LRRC72: variants seen among roughly 807,000 people sequenced by gnomAD.
LRRC72 encodes the protein leucine rich repeat containing 72.
Under a neutral mutation model 35.8 loss-of-function variants are expected in LRRC72, and 41 were observed. The observed-to-expected ratio is 1.15, with a 90% CI of 0.89 to 1.49. LRRC72 has a LOEUF of 1.49. LRRC72 is among the 40% of genes most tolerant of loss of function. LRRC72 has a pLI of 0.00. For missense variants in LRRC72, 389 were observed against 330.7 expected, an observed-to-expected ratio of 1.18 and a Z score of -1.37; for synonymous variants, 118 against 119.2, an observed-to-expected ratio of 0.99 and a Z score of 0.07.
chr7:16,558,211 G>A (rs894196074), intron 4 of LRRC72, among the ~76,000 whole-genome samples: 1 of 152,094 alleles, frequency 6.6e-6, no homozygotes, highest in Admixed American at 6.5e-5. Context: ...ATAAATCTAA[G>A]TAGCATTGAC....
intron 2 of LRRC72, chr7:16,532,791 A>C: frequency 1.7e-6 from 1 of 598,202 alleles, no homozygotes; most frequent in South Asian, 1.7e-5. Flanking sequence ...TTTGAATCCC[A>C]GCTCTGTCTC....
At chr7:16,529,368 C>T (rs1429806231) in intron 1 of LRRC72, among the ~76,000 whole-genome samples, 1 of 152,184 alleles carries the variant, frequency 6.6e-6, no homozygotes, top group African/African-American at 2.4e-5. Context: ...AATCTTCCAG[C>T]GTGTCCAGGC....
rs191277679 is a variant in LRRC72 at position 16,555,640 on chromosome 7, C to T, written c.235-1720C>T. 4.3e-3 allele frequency among the ~76,000 whole-genome samples: 656 copies of T among 152,176 alleles called. 5 individuals carry two copies. The highest frequency in any genetic ancestry group is 0.015 in the African/African-American group (614 of 41,524). ...ATAAAAAATTAGCTGGCTATGGCGG[C>T]ATGTGCCTGTAGTCCCAGCTACTTG... On this transcript the variant is annotated intron_variant, in intron 3 of 8. Coordinates refer to ENST00000401542, the MANE Select transcript of LRRC72 (RefSeq NM_001195280.2).
Position 16,581,332 on chromosome 7 carries a change from T to A in LRRC72, c.707T>A (p.Leu236His). Residue 236 changes from leucine (L) to histidine (H), a missense_variant, in exon 9 of 9, where the codon CTT becomes CAT. Physicochemically the swap from Leu to His is moderately conservative, Grantham distance 99. Coordinates refer to ENST00000401542, the MANE Select transcript of LRRC72 (RefSeq NM_001195280.2). Reference sequence around the variant, plus strand: ...TTGCTTTTTTTTTGCAGAACTGTGCTTGATGACCCAGAAGATGCTGTTTTT... The same window carrying A: ...TTGCTTTTTTTTTGCAGAACTGTGCATGATGACCCAGAAGATGCTGTTTTT... The part of the protein sequence containing the change: ...AFANNVDKTV[L>H]DDPEDAVFVR... 1 of 1,507,190 alleles carries A rather than the reference T, an allele frequency of 6.6e-7. No homozygotes were observed. The highest frequency in any genetic ancestry group is 8.9e-7 in the Non-Finnish European group (1 of 1,125,462). The allele number at this position is 1,507,190 out of a possible 1,614,324, so 93.4% of individuals were successfully genotyped here.
intron 3 of LRRC72, among the ~76,000 whole-genome samples, chr7:16,549,802 C>A (rs1442895994): frequency 6.6e-6 from 1 of 151,954 alleles, no homozygotes; most frequent in African/African-American, 2.4e-5. Flanking sequence ...GTTTTAGATG[C>A]TACACAGCCA....
chr7:16,570,041 G>GAA (rs943247922), intron 7 of LRRC72, among the ~76,000 whole-genome samples: 1 of 137,060 alleles, frequency 7.3e-6, no homozygotes, highest in African/African-American at 2.7e-5. Context: ...AAAAAGAAAA[G>GAA]AAAAAAAAAA....
chr7:16,558,753 C>G (rs1782694250), intron 4 of LRRC72, 136 bp from the exon 5 acceptor site: 2 of 335,456 alleles, frequency 6.0e-6, no homozygotes, highest in East Asian at 1.0e-4. Context: ...GTTATTCCTT[C>G]TTTAACCAGC....
chr7:16,566,673 A>T (rs1782850079), intron 6 of LRRC72, among the ~76,000 whole-genome samples: 1 of 152,112 alleles, frequency 6.6e-6, no homozygotes, highest in African/African-American at 2.4e-5. Flanking sequence ...CCTGGTTTTG[A>T]CATTAACAGG....
intron 3 of LRRC72, 147 bp downstream of exon 3, chr7:16,537,843 G>C (rs1423735385): frequency 1.9e-6 from 1 of 534,490 alleles, no homozygotes; most frequent in Non-Finnish European, 3.3e-6. Flanking sequence ...TATATATCTG[G>C]TACATATATA....
chr7:16,552,170 G>A (rs1266606897), intron 3 of LRRC72, among the ~76,000 whole-genome samples: 5 of 152,158 alleles, frequency 3.3e-5, no homozygotes, highest in Non-Finnish European at 7.3e-5. Flanking sequence ...GATTTCATAA[G>A]CTAATAATAA....
intron 7 of LRRC72, among the ~76,000 whole-genome samples, chr7:16,574,674 G>A (rs1486090422): frequency 6.6e-6 from 1 of 152,062 alleles, no homozygotes; most frequent in Non-Finnish European, 1.5e-5. Context: ...GGGAGGGATA[G>A]CATTAGGAGA....
At position 16,537,608 on chromosome 7, in the gene LRRC72, A is replaced by ATTTTT; in HGVS notation, c.165-13_165-9dup. 1.5e-6 allele frequency: 2 copies of ATTTTT among 1,316,050 alleles called. No homozygotes were observed. Among genetic ancestry groups the ATTTTT allele is most frequent in the Non-Finnish European group, 1.0e-6 (1 of 973,550 alleles). 81.5% of individuals were successfully genotyped at this position (1,316,050 alleles called of 1,614,324 possible). On this transcript the variant is annotated intron_variant, in intron 2 of 8. Transcript: ENST00000401542. ...TGAACTAATTGTTGCTAATGTTCACATTTTTTTTTTCTTTCCAGGGAACTG... is the reference window on the plus strand; with the variant it reads ...TGAACTAATTGTTGCTAATGTTCACATTTTTTTTTTTTTTTCTTTCCAGGGAACTG...
intron 7 of LRRC72, among the ~76,000 whole-genome samples, chr7:16,576,187 G>T (rs1032343981): frequency 2.0e-5 from 3 of 152,104 alleles, no homozygotes; most frequent in Non-Finnish European, 4.4e-5. Context: ...CCAGAGTATG[G>T]CTTATTTTAG....
intron 7 of LRRC72, among the ~76,000 whole-genome samples, chr7:16,571,447 G>A (rs1278219809): frequency 6.6e-6 from 1 of 152,200 alleles, no homozygotes; most frequent in East Asian, 1.9e-4. Context: ...CTCTGAGCGA[G>A]ATCCACACAG....
intron 3 of LRRC72, among the ~76,000 whole-genome samples, chr7:16,540,470 C>T (rs954217407): frequency 1.3e-5 from 2 of 152,130 alleles, no homozygotes; most frequent in Non-Finnish European, 2.9e-5. Context: ...TGGGTTAATG[C>T]TGGAATGAGT....
At chr7:16,571,869 G>A (rs1782951834) in intron 7 of LRRC72, among the ~76,000 whole-genome samples, 2 of 152,166 alleles carry the variant, frequency 1.3e-5, no homozygotes, top group Non-Finnish European at 2.9e-5. Context: ...CTAAAAAGGA[G>A]TCTGAAGCCA....
In LRRC72 at chr7:16,581,307, T is replaced by C; in HGVS notation, c.699-17T>C. 4 of 1,418,734 alleles carry C rather than the reference T, an allele frequency of 2.8e-6. No individual in the cohort carries two copies. In the South Asian group the frequency reaches 6.5e-5, roughly 23 times the overall value. The allele number at this position is 1,418,734 out of a possible 1,614,324, so 87.9% of individuals were successfully genotyped here. ...TTTGATTGCTTTTTTTCTGACATAATTGCTTTTTTTTTGCAGAACTGTGCT... is the reference window on the plus strand; with the variant it reads ...TTTGATTGCTTTTTTTCTGACATAACTGCTTTTTTTTTGCAGAACTGTGCT... On this transcript the variant is annotated splice_polypyrimidine_tract_variant and intron_variant, in intron 8 of 8. Transcript: ENST00000401542.
intron 3 of LRRC72, among the ~76,000 whole-genome samples, chr7:16,539,949 G>A (rs1015259794): frequency 1.3e-5 from 2 of 152,262 alleles, no homozygotes; most frequent in African/African-American, 2.4e-5. Context: ...CTAGGGCAAT[G>A]CAGAGGGGAA....
At chr7:16,556,615 G>A (rs1483204299) in intron 3 of LRRC72, among the ~76,000 whole-genome samples, 1 of 152,128 alleles carries the variant, frequency 6.6e-6, no homozygotes, top group Non-Finnish European at 1.5e-5. Context: ...TTACTAGAAG[G>A]GCAGAGGACT....
Sources: allele counts gnomAD v4.1 joint callset (sites outside exome capture counted in the v4.1 genomes callset), GRCh38; gene constraint gnomAD v4.1.1; transcripts MANE v1.5; gene names NCBI Gene and HGNC (gene_info 2026-07-23, HGNC 2026-07-21).